CEP162: variants seen among roughly 807,000 people sequenced by gnomAD.
The protein encoded by CEP162 is centrosomal protein 162, also known as centrosomal protein of 162 kDa.
In CEP162, 141 loss-of-function variants were observed where a neutral mutation model predicts 169.2. That is an observed-to-expected ratio of 0.83 (90% confidence interval 0.73 to 0.96). CEP162 has a LOEUF of 0.96. Ranked by LOEUF, CEP162 falls within the 40% of genes least tolerant of loss-of-function variation. CEP162 has a pLI of 0.00. For missense variants in CEP162, 1,600 were observed against 1,587.2 expected (o/e 1.01, Z -0.14); for synonymous variants, 540 against 526.4 (o/e 1.03, Z -0.35).
chr6:84,181,821 A>G (rs2099534962), intron 13 of CEP162, among the ~76,000 whole-genome samples: 1 of 152,094 alleles, frequency 6.6e-6, no homozygotes, highest in Admixed American at 6.6e-5. Context: ...TAAAATAAAA[A>G]TGAATAGGAG....
At chr6:84,185,930 A>G (rs919864810) in intron 12 of CEP162, among the ~76,000 whole-genome samples, 1 of 152,170 alleles carries the variant, frequency 6.6e-6, no homozygotes, top group African/African-American at 2.4e-5. Context: ...CAGGAAAAAT[A>G]ATCAGTAAAA....
chr6:84,189,171 C>G (rs1297298792), intron 11 of CEP162, among the ~76,000 whole-genome samples: 1 of 152,144 alleles, frequency 6.6e-6, no homozygotes, highest in Non-Finnish European at 1.5e-5. Context: ...CCTGCCTCAG[C>G]CTCCCGAGTA....
intron 13 of CEP162, among the ~76,000 whole-genome samples, chr6:84,183,059 A>T (rs2099535605): frequency 6.6e-6 from 1 of 152,182 alleles, no homozygotes; most frequent in Non-Finnish European, 1.5e-5. Context: ...GATTAAAAAT[A>T]TCATACTTAA....
intron 18 of CEP162, among the ~76,000 whole-genome samples, chr6:84,166,744 C>G (rs1053747623): frequency 1.3e-5 from 2 of 152,144 alleles, no homozygotes; most frequent in African/African-American, 4.8e-5. Context: ...TTATAACCAA[C>G]TAACATTTTA....
chr6:84,204,582 T>C (rs865893184), intron 6 of CEP162, among the ~76,000 whole-genome samples: 1 of 152,188 alleles, frequency 6.6e-6, no homozygotes, highest in African/African-American at 2.4e-5. Flanking sequence ...TAAAGCAGTG[T>C]GTAGAGGGAA....
chr6:84,134,333 C>T (rs560899642), intron 25 of CEP162, among the ~76,000 whole-genome samples: 2 of 152,294 alleles, frequency 1.3e-5, no homozygotes, highest in East Asian at 3.9e-4. Context: ...CCACTTGGCT[C>T]CCTGGCTTCA....
chr6:84,221,280 T>C (rs2099553623), intron 2 of CEP162, 109 bp from the exon 3 acceptor site: 4 of 583,334 alleles, frequency 6.9e-6, no homozygotes, highest in South Asian at 2.3e-5. Flanking sequence ...AGCTATCACA[T>C]AGATAAATAA....
chr6:84,202,518 CTTTTTT>C (rs70987776), intron 7 of CEP162, among the ~76,000 whole-genome samples: 34 of 90,744 alleles, frequency 3.7e-4, no homozygotes, highest in Non-Finnish European at 4.2e-4. Flanking sequence ...TTCTTTCTTT[CTTTTTT>C]TTTTTTTTTT....
intron 25 of CEP162, among the ~76,000 whole-genome samples, chr6:84,128,177 TA>T (rs2129182972): frequency 6.6e-6 from 1 of 152,342 alleles, no homozygotes; most frequent in African/African-American, 2.4e-5. Flanking sequence ...TTTCAATGAT[TA>T]AACATTCATT....
chr6:84,152,964 ATCT>A lies in CEP162; in HGVS notation c.3207_3209del (p.Glu1069del). On this transcript the variant is annotated inframe_deletion, in exon 23 of 27. Coordinates refer to ENST00000403245, the MANE Select transcript of CEP162 (RefSeq NM_014895.4). ...CCACCTGGAATTCTATAGACTGAAA[ATCT>A]TCATCATCTTTATCATTTTTCTTGA... 1.2e-6 allele frequency: 2 copies of A among 1,613,594 alleles called. No homozygotes were observed. The highest frequency in any genetic ancestry group is 1.7e-6 in the Non-Finnish European group (2 of 1,179,736).
intron 5 of CEP162, among the ~76,000 whole-genome samples, chr6:84,214,796 T>A (rs1444441522): frequency 6.6e-6 from 1 of 152,164 alleles, no homozygotes; most frequent in Non-Finnish European, 1.5e-5. Context: ...TCTAGTGTAA[T>A]AAAGAGAGGA....
intron 10 of CEP162, among the ~76,000 whole-genome samples, chr6:84,194,664 G>A (rs2099541385): frequency 6.6e-6 from 1 of 152,000 alleles, no homozygotes; most frequent in Non-Finnish European, 1.5e-5. Flanking sequence ...ATGTTGCCCA[G>A]GATGGTCTCA....
At chr6:84,145,000 A>G (rs759122614) in intron 25 of CEP162, among the ~76,000 whole-genome samples, 3 of 152,164 alleles carry the variant, frequency 2.0e-5, no homozygotes, top group Non-Finnish European at 4.4e-5. Flanking sequence ...AACATCAGTT[A>G]TACTATCAAG....
intron 13 of CEP162, among the ~76,000 whole-genome samples, chr6:84,177,332 C>A (rs2099532817): frequency 6.6e-6 from 1 of 152,160 alleles, no homozygotes. Context: ...TATATGCATA[C>A]AGGAAAAACT....
chr6:84,165,695 C>G lies in CEP162; in HGVS notation c.2386-2425G>C, dbSNP rs545850962. Among the ~76,000 whole-genome samples the G allele has an allele frequency of 2.0e-5, 3 of 152,262 alleles. No homozygotes were observed. The East Asian group carries it at 5.8e-4, about 29-fold the overall frequency. ...ACTGAACCTATGAAACTACTGGACT[C>G]AACAGCAGTCAACTTGGTATTTAAG... is the stretch of plus-strand genomic sequence containing the variant. On this transcript the variant is annotated intron_variant, in intron 18 of 26. Coordinates refer to ENST00000403245, the MANE Select transcript of CEP162 (RefSeq NM_014895.4).
chr6:84,128,625 T>C (rs1254063969), intron 25 of CEP162, among the ~76,000 whole-genome samples: 1 of 152,132 alleles, frequency 6.6e-6, no homozygotes, highest in Non-Finnish European at 1.5e-5. Flanking sequence ...AACTACTCTT[T>C]TGGTTGTGAT....
chr6:84,150,713 G>A (rs1422859390), intron 23 of CEP162, among the ~76,000 whole-genome samples: 1 of 152,080 alleles, frequency 6.6e-6, no homozygotes, highest in Non-Finnish European at 1.5e-5. Flanking sequence ...ATTCTTTCCT[G>A]GAAAAAATGT....
At chr6:84,192,263 G>A (rs186220682) in intron 11 of CEP162, among the ~76,000 whole-genome samples, 34 of 152,112 alleles carry the variant, frequency 2.2e-4, no homozygotes, top group Non-Finnish European at 4.7e-4. Context: ...TTTCTATTAC[G>A]TATGATTACT....
intron 19 of CEP162, 82 bp downstream of exon 19, chr6:84,163,062 T>C (rs1040344412): frequency 1.5e-6 from 2 of 1,331,656 alleles, no homozygotes; most frequent in South Asian, 1.4e-5. Context: ...ATTTTGATTA[T>C]ACCATTCAAT....
Sources: gnomAD v4.1 joint callset for allele counts (sites outside exome capture counted in the v4.1 genomes callset) on GRCh38, gnomAD v4.1.1 for gene constraint, MANE v1.5 for transcripts, NCBI Gene and HGNC (gene_info 2026-07-23, HGNC 2026-07-21) for gene names.